Variants in MTRR observed in about 807,000 individuals in gnomAD.
The protein encoded by MTRR is methionine synthase reductase.
A neutral mutation model predicts 79.2 loss-of-function variants in MTRR; 63 were observed. The observed-to-expected ratio is 0.80, with a 90% confidence interval of 0.65 to 0.98. MTRR has a LOEUF of 0.98. MTRR is among the 50% of genes least tolerant of loss of function. The pLI is 0.00. For missense variants in MTRR, 895 were observed against 839.6 expected, an observed-to-expected ratio of 1.07 and a Z score of -0.82; for synonymous variants, 355 against 313.3, an observed-to-expected ratio of 1.13 and a Z score of -1.41.
intron 12 of MTRR, 52 bp from the exon 13 acceptor site, chr5:7,896,812 G>C: frequency 7.0e-7 from 1 of 1,431,352 alleles, no homozygotes; most frequent in Non-Finnish European, 9.9e-7. Flanking sequence ...AAAGAGATTG[G>C]TTTTACATAT....
chr5:7,867,428 C>G, upstream of MTRR: 2 of 1,614,156 alleles, frequency 1.2e-6, no homozygotes, highest in Non-Finnish European at 1.7e-6. Flanking sequence ...CCCAAGAATA[C>G]AAAGATTGCG....
intron 1 of MTRR, chr5:7,861,059 G>C: frequency 2.7e-6 from 2 of 741,828 alleles, no homozygotes; most frequent in Non-Finnish European, 4.6e-6. Flanking sequence ...ATTTTACTGT[G>C]CCTCAGATTA....
At chr5:7,876,202 G>A (rs3776467) in intron 4 of MTRR, among the ~76,000 whole-genome samples, 96,529 of 152,162 alleles carry the variant, frequency 0.63, 32,654 homozygotes, top group Non-Finnish European at 0.76. Context: ...CACTTCTTCC[G>A]TCTTTCCCTT....
intron 4 of MTRR, 85 bp from the exon 5 acceptor site, chr5:7,877,859 A>G: frequency 6.3e-7 from 1 of 1,580,562 alleles, no homozygotes; most frequent in Non-Finnish European, 8.6e-7. Flanking sequence ...ACTTTGCCAA[A>G]TGGACAGACT....
intron 11 of MTRR, among the ~76,000 whole-genome samples, chr5:7,895,000 C>T (rs1028278554): frequency 3.3e-5 from 5 of 152,074 alleles, no homozygotes; most frequent in South Asian, 2.1e-4. Context: ...TGTTCAGGCT[C>T]GTCATTACTT....
intron 10 of MTRR, 59 bp from the exon 11 acceptor site, chr5:7,892,668 G>T: frequency 4.0e-6 from 6 of 1,511,406 alleles, no homozygotes; most frequent in Non-Finnish European, 5.5e-6. Flanking sequence ...GGATTGGTTT[G>T]ACCCATATGT....
At chr5:7,858,123 G>T (rs767154311) in intron 1 of MTRR, among the ~76,000 whole-genome samples, 4 of 152,110 alleles carry the variant, frequency 2.6e-5, no homozygotes, top group Non-Finnish European at 4.4e-5. Context: ...CATAGGAAGA[G>T]GTGTACAGCA....
chr5:7,891,289 A>ATTT (rs71591748), intron 9 of MTRR, 83 bp from the exon 10 acceptor site: 5,126 of 364,500 alleles, frequency 0.014, 151 homozygotes, highest in East Asian at 0.04. Flanking sequence ...AAGACATGGA[A>ATTT]TTTTTTTTTT....
chr5:7,855,112 G>A (rs565410458), intron 1 of MTRR, among the ~76,000 whole-genome samples: 19 of 152,266 alleles, frequency 1.2e-4, no homozygotes, highest in South Asian at 2.1e-4. Context: ...TGAAAACTAC[G>A]TGAGAAAGAG....
chr5:7,870,541 A>G (rs1579592784), intron 1 of MTRR: 1 of 508,922 alleles, frequency 2.0e-6, no homozygotes, highest in Non-Finnish European at 3.5e-6. Context: ...CGAGCCGATC[A>G]TCTGATTTCT....
At chr5:7,888,098 T>C (rs1411579072) in intron 8 of MTRR, among the ~76,000 whole-genome samples, 1 of 151,970 alleles carries the variant, frequency 6.6e-6, no homozygotes, top group Non-Finnish European at 1.5e-5. Flanking sequence ...GGCAATTGAG[T>C]CATTTTTGCT....
chr5:7,869,510 C>T (rs539549338), intron 1 of MTRR: 156 of 420,416 alleles, frequency 3.7e-4, no homozygotes, highest in Admixed American at 8.5e-4. Context: ...AGGCGCTTTC[C>T]AGGCCTAGGG....
At position 7,871,042 on chromosome 5, in the gene MTRR, A is replaced by T; in HGVS notation, c.129+119A>T. The stretch of plus-strand genomic sequence containing the variant: ...CACATAGTCTTTGTTTTTTAACAGA[A>T]ATGTGTTTGTTCAATGGTATAGTAA... On this transcript the variant is annotated intron_variant, in intron 2 of 14. Coordinates refer to ENST00000440940, the MANE Select transcript of MTRR (RefSeq NM_002454.3). 5 of 1,216,242 alleles carry T rather than the reference A, an allele frequency of 4.1e-6. No individual in the cohort carries two copies. In the South Asian group the frequency reaches 6.1e-5, roughly 15 times the overall value. The allele number at this position is 1,216,242 out of a possible 1,614,324, so 75.3% of individuals were successfully genotyped here.
chr5:7,857,642 G>A (rs550424156), intron 1 of MTRR, among the ~76,000 whole-genome samples: 2 of 152,326 alleles, frequency 1.3e-5, no homozygotes, highest in South Asian at 4.1e-4. Context: ...CCAGAGCCTT[G>A]ACTGTGTGTC....
In MTRR at chr5:7,889,192, G is replaced by T. The variant is rs748202026; in HGVS notation, c.1244G>T (p.Arg415Leu). 1 of 1,613,964 alleles carries T rather than the reference G, an allele frequency of 6.2e-7. No homozygotes were observed. The highest frequency in any genetic ancestry group is 1.1e-5 in the South Asian group (1 of 91,072). ...AAACAAGGGGCAGCCGATTATAGCC[G>T]CTTTGTACGAGATGCCTGTGCCTGC... ...CSKQGAADYS[R>L]FVRDACACLL... is the part of the protein sequence containing the mutation. Residue 415 changes from arginine to leucine, a missense_variant, in exon 9 of 15, where the codon CGC becomes CTC. Arg to Leu is a moderately radical substitution (Grantham distance 102). Coordinates refer to ENST00000440940, the MANE Select transcript of MTRR (RefSeq NM_002454.3).
rs1425206310 is a variant in MTRR, at chr5:7,900,077, G to T, written c.*19G>T. On this transcript the variant is annotated 3_prime_UTR_variant, in exon 15 of 15. Coordinates refer to ENST00000440940, the MANE Select transcript of MTRR (RefSeq NM_002454.3). Reference sequence around the variant, plus strand: ...GTCATAAAACCAGAAATTAAAGAAAGAGGATTAAGCTTTTTTGACTGAAAG... The same window carrying T: ...GTCATAAAACCAGAAATTAAAGAAATAGGATTAAGCTTTTTTGACTGAAAG... The T allele has an allele frequency of 6.2e-7, 1 of 1,612,704 alleles. No individual in the cohort carries two copies. The highest frequency in any genetic ancestry group is 2.2e-5 in the East Asian group (1 of 44,858).
chr5:7,861,432 T>G, intron 1 of MTRR: 1 of 624,992 alleles, frequency 1.6e-6, no homozygotes, highest in Non-Finnish European at 2.5e-6. Context: ...TTATAAAATA[T>G]TACAAGGAAT....
At position 7,899,918 on chromosome 5, in the gene MTRR, G is replaced by A. The variant is rs372481533; in HGVS notation, c.1957G>A (p.Ala653Thr). ...ENGHIYVCGD[A>T]KNMAKDVHDA... is the part of the protein sequence containing the mutation. ...TCTTATTATTTTCTTTTCTAGAGAT[G>A]CAAAGAATATGGCCAAGGATGTACA... Residue 653 changes from alanine (A) to threonine (T), a missense_variant, in exon 15 of 15, where the codon GCA becomes ACA. Ala to Thr is a moderately conservative substitution (Grantham distance 58). Transcript: ENST00000440940. 17 of 1,614,048 alleles carry A rather than the reference G, an allele frequency of 1.1e-5. No individual in the cohort carries two copies. The highest frequency in any genetic ancestry group is 1.3e-5 in the Non-Finnish European group (15 of 1,180,032).
chr5:7,857,630 T>A (rs1047017995), intron 1 of MTRR, among the ~76,000 whole-genome samples: 1 of 152,214 alleles, frequency 6.6e-6, no homozygotes, highest in Admixed American at 6.5e-5. Flanking sequence ...GTCTCTGTGT[T>A]CCCAGAGCCT....
Sources: gnomAD v4.1 joint callset for allele counts (sites outside exome capture counted in the v4.1 genomes callset) on GRCh38, gnomAD v4.1.1 for gene constraint, MANE v1.5 for transcripts, NCBI Gene and HGNC (gene_info 2026-07-23, HGNC 2026-07-21) for gene names.